CFAP144: variants seen among roughly 807,000 people sequenced by gnomAD.
The protein encoded by CFAP144 is cilia and flagella associated protein 144, also known as cilia- and flagella-associated protein 144.
At chr1:43,155,677 A>G in the CFAP144 span, among the ~76,000 whole-genome samples, 1 of 152,244 alleles carries the variant, frequency 6.6e-6, no homozygotes, top group African/African-American at 2.4e-5. Flanking sequence ...ATCAGCTGCA[A>G]CTTGAAGCTC....
chr1:43,155,163 G>A, the CFAP144 span, among the ~76,000 whole-genome samples: 6 of 152,200 alleles, frequency 3.9e-5, no homozygotes, highest in Non-Finnish European at 8.8e-5. Flanking sequence ...AATCTTTGCC[G>A]GGGAGAAGAA....
At chr1:43,150,470 G>A in the CFAP144 span, among the ~76,000 whole-genome samples, 3 of 152,352 alleles carry the variant, frequency 2.0e-5, no homozygotes, top group South Asian at 6.2e-4. Context: ...CACTTGAAGT[G>A]TGACTAACGT....
chr1:43,146,434 G>A, the CFAP144 span, among the ~76,000 whole-genome samples: 61,625 of 151,930 alleles, frequency 0.41, 13,036 homozygotes, highest in African/African-American at 0.52. Flanking sequence ...TAACATAAAA[G>A]TAACCTCAGG....
chr1:43,144,321 T>C, the CFAP144 span, among the ~76,000 whole-genome samples: 1 of 152,164 alleles, frequency 6.6e-6, no homozygotes, highest in Admixed American at 6.5e-5. Context: ...GGGATGTGTA[T>C]GTACATTTCA....
chr1:43,144,751 C>T, the CFAP144 span, among the ~76,000 whole-genome samples: 2 of 152,240 alleles, frequency 1.3e-5, no homozygotes, highest in East Asian at 3.9e-4. Flanking sequence ...GTCCCAATTT[C>T]CATTACACCC....
the CFAP144 span, among the ~76,000 whole-genome samples, chr1:43,155,573 T>C: frequency 0.069 from 10,491 of 152,258 alleles, 724 homozygotes; most frequent in East Asian, 0.28. Flanking sequence ...TAAGAAAGTA[T>C]ACCCCAAAAA....
At chr1:43,155,888 T>G in the CFAP144 span, among the ~76,000 whole-genome samples, 36 of 152,270 alleles carry the variant, frequency 2.4e-4, no homozygotes, top group African/African-American at 8.7e-4. Context: ...TTTACTTAGA[T>G]TCTATGTGAC....
the CFAP144 span, among the ~76,000 whole-genome samples, chr1:43,148,889 C>T: frequency 1.3e-5 from 2 of 152,322 alleles, no homozygotes; most frequent in East Asian, 1.9e-4. Flanking sequence ...CCCTGACCCA[C>T]TTGTTCCTGC....
chr1:43,149,638 C>A, the CFAP144 span, among the ~76,000 whole-genome samples: 2 of 152,188 alleles, frequency 1.3e-5, no homozygotes, highest in Non-Finnish European at 2.9e-5. Context: ...TGGAAATAAT[C>A]TCTTCAGGCA....
chr1:43,144,211 A>G, the CFAP144 span, among the ~76,000 whole-genome samples: 1 of 152,232 alleles, frequency 6.6e-6, no homozygotes, highest in African/African-American at 2.4e-5. Context: ...GATTAATACT[A>G]CAGCCCCATT....
At chr1:43,155,341 G>A in the CFAP144 span, among the ~76,000 whole-genome samples, 10 of 152,256 alleles carry the variant, frequency 6.6e-5, no homozygotes, top group East Asian at 1.9e-4. Context: ...ATGTGGAGAT[G>A]TTGCATCTTT....
At chr1:43,150,116 G>A in the CFAP144 span, among the ~76,000 whole-genome samples, 2,054 of 152,208 alleles carry the variant, frequency 0.013, 44 homozygotes, top group African/African-American at 0.047. Context: ...CTCCATCCAC[G>A]TAACCTGCTT....
chr1:43,146,288 G>GAT, the CFAP144 span, among the ~76,000 whole-genome samples: 1 of 152,258 alleles, frequency 6.6e-6, no homozygotes, highest in East Asian at 1.9e-4. Flanking sequence ...TGACAAATTG[G>GAT]ATATACTGAG....
At chr1:43,154,054 A>ATG in the CFAP144 span, among the ~76,000 whole-genome samples, 1,635 of 73,474 alleles carry the variant, frequency 0.022, 22 homozygotes, top group African/African-American at 0.024. Flanking sequence ...CTCTTTATAT[A>ATG]TGTGTGTGTA....
At chr1:43,147,097 A>G in the CFAP144 span, among the ~76,000 whole-genome samples, 2 of 152,200 alleles carry the variant, frequency 1.3e-5, no homozygotes, top group African/African-American at 4.8e-5. Context: ...CACCTGCCTC[A>G]GCCTCCCAAA....
the CFAP144 span, chr1:43,152,690 C>A: frequency 1.3e-5 from 11 of 846,318 alleles, no homozygotes; most frequent in African/African-American, 6.8e-5. Flanking sequence ...GACCAGACAC[C>A]CTGGTCTTGA....
the CFAP144 span, chr1:43,153,067 GCT>G: frequency 2.8e-6 from 3 of 1,083,152 alleles, no homozygotes; most frequent in Non-Finnish European, 4.0e-6. Flanking sequence ...AAGTTACTAA[GCT>G]CTCTTATGAC....
At chr1:43,145,059 T>C in the CFAP144 span, 2 of 580,092 alleles carry the variant, frequency 3.4e-6, no homozygotes, top group South Asian at 4.3e-5. Flanking sequence ...TGATACTATT[T>C]CTATTTTGTC....
chr1:43,149,473 T>A, the CFAP144 span, among the ~76,000 whole-genome samples: 4 of 152,246 alleles, frequency 2.6e-5, no homozygotes, highest in East Asian at 7.7e-4. Context: ...GTGCCTAATA[T>A]GTAAAGTCCA....
Sources: gnomAD v4.1 joint callset for allele counts (sites outside exome capture counted in the v4.1 genomes callset) on GRCh38, gnomAD v4.1.1 for gene constraint, MANE v1.5 for transcripts, NCBI Gene and HGNC (gene_info 2026-07-23, HGNC 2026-07-21) for gene names.